Variants in RGL1 observed in about 807,000 individuals in gnomAD.
RGL1 encodes the protein ral guanine nucleotide dissociation stimulator-like 1.
In RGL1, 24 loss-of-function variants were observed where a neutral mutation model predicts 95.2. The ratio of observed to expected loss-of-function variants is 0.25; its 90% CI spans 0.18 to 0.35. RGL1 has a LOEUF of 0.35. RGL1 is among the 10% of genes least tolerant of loss of function. The pLI, the probability that RGL1 is intolerant of heterozygous loss-of-function variation, is 1.00. For missense variants in RGL1, 715 were observed against 936.3 expected, an observed-to-expected ratio of 0.76 and a Z score of 3.08; for synonymous variants, 329 against 344.9, an observed-to-expected ratio of 0.95 and a Z score of 0.51.
chr1:183,718,466 AGTG>A (rs1410981365), intron 1 of RGL1, among the ~76,000 whole-genome samples: 1 of 152,228 alleles, frequency 6.6e-6, no homozygotes, highest in Non-Finnish European at 1.5e-5. Flanking sequence ...AAAATGAACA[AGTG>A]GTAAATAGTT....
chr1:183,658,068 G>A (rs1040186018), intron 1 of RGL1, among the ~76,000 whole-genome samples: 1 of 152,192 alleles, frequency 6.6e-6, no homozygotes, highest in African/African-American at 2.4e-5. Flanking sequence ...GGAATTTTTC[G>A]GGGGTGGAGC....
intron 6 of RGL1, 61 bp downstream of exon 6, chr1:183,883,971 T>A (rs936425541): frequency 2.4e-5 from 38 of 1,559,568 alleles, no homozygotes; most frequent in Non-Finnish European, 3.3e-5. Flanking sequence ...GTGATGGCAC[T>A]GGTGCCCCGG....
chr1:183,805,106 G>A, upstream of RGL1: 1 of 573,842 alleles, frequency 1.7e-6, no homozygotes, highest in Non-Finnish European at 2.6e-6. Context: ...TCGCTCGCTC[G>A]CCGCGCTCCC....
intron 13 of RGL1, 107 bp downstream of exon 13, chr1:183,905,078 C>G (rs1668241944): frequency 1.4e-6 from 2 of 1,381,918 alleles, no homozygotes; most frequent in East Asian, 4.9e-5. Flanking sequence ...TAGTGAGCAG[C>G]TGCTAGGTTC....
intron 1 of RGL1, among the ~76,000 whole-genome samples, chr1:183,704,223 A>G (rs1371502969): frequency 6.6e-6 from 1 of 152,074 alleles, no homozygotes; most frequent in East Asian, 1.9e-4. Flanking sequence ...TTTCTGTGGG[A>G]GCCTGGCAGC....
At position 183,880,375 on chromosome 1, in the gene RGL1, AAAC is replaced by A. The variant is rs146645540; in HGVS notation, c.426-229_426-227del. 4.5e-3 allele frequency among the ~76,000 whole-genome samples: 228 copies of A among 50,478 alleles called. 1 individual carries two copies. The highest frequency in any genetic ancestry group is 0.015 in the African/African-American group (210 of 14,028). The allele number at this position is 50,478 out of a possible 152,430, so 33.1% of individuals were successfully genotyped here. On this transcript the variant is annotated intron_variant, in intron 4 of 17. Coordinates refer to ENST00000360851, the MANE Select transcript of RGL1 (RefSeq NM_001297671.3). ...AAAGTTTAGCCTCCTTAAAACAAAC[AAAC>A]AACAACAACAAAAAACCTTATCAGT...
chr1:183,827,361 GA>G (rs1662938674), intron 2 of RGL1, among the ~76,000 whole-genome samples: 1 of 152,130 alleles, frequency 6.6e-6, no homozygotes, highest in Admixed American at 6.5e-5. Context: ...CAAAGGTGTG[GA>G]ATTAACCCAA....
At chr1:183,802,320 T>C (rs1661036469), upstream of RGL1, among the ~76,000 whole-genome samples, 1 of 152,218 alleles carries the variant, frequency 6.6e-6, no homozygotes, top group Non-Finnish European at 1.5e-5. Flanking sequence ...GCCGGTACCA[T>C]AAAGTTTTGA....
At chr1:183,833,633 A>G (rs1663416390) in intron 2 of RGL1, among the ~76,000 whole-genome samples, 1 of 152,166 alleles carries the variant, frequency 6.6e-6, no homozygotes, top group African/African-American at 2.4e-5. Flanking sequence ...GTATTCAGAA[A>G]CTCAGGCTAC....
chr1:183,910,350 G>A (rs572668070), intron 14 of RGL1, among the ~76,000 whole-genome samples: 3 of 152,098 alleles, frequency 2.0e-5, no homozygotes, highest in South Asian at 2.1e-4. Context: ...AGCCTGCCTC[G>A]GCCTCCCAAA....
rs189054473 is a variant in RGL1, at chr1:183,893,540, A to G, written c.1140+1379A>G. 5.4e-4 allele frequency among the ~76,000 whole-genome samples: 83 copies of G among 152,318 alleles called. 1 individual carries two copies. Among genetic ancestry groups the G allele is most frequent in the Admixed American group, 2.9e-3 (45 of 15,302 alleles). ...GAAGATACTTGGAGTAGGAGTGAAA[A>G]TCAGGTAGAGGTGGGGTTAGTAAGA... On this transcript the variant is annotated intron_variant, in intron 9 of 17. Transcript: ENST00000360851.
At chr1:183,729,949 C>T (rs1164686387) in intron 1 of RGL1, among the ~76,000 whole-genome samples, 3 of 152,048 alleles carry the variant, frequency 2.0e-5, no homozygotes, top group African/African-American at 7.2e-5. Context: ...TTCATGGTTG[C>T]CCGGGGCCAG....
intron 2 of RGL1, among the ~76,000 whole-genome samples, chr1:183,781,818 A>G (rs1659919889): frequency 6.6e-6 from 1 of 152,222 alleles, no homozygotes; most frequent in South Asian, 2.1e-4. Context: ...TTTTCATTTA[A>G]CAGTCTCTAT....
At chr1:183,645,512 C>T (rs1188998578) in intron 1 of RGL1, among the ~76,000 whole-genome samples, 7 of 152,132 alleles carry the variant, frequency 4.6e-5, no homozygotes, top group African/African-American at 1.7e-4. Flanking sequence ...TCCATTAGTT[C>T]TATATGTGTG....
At chr1:183,822,128 G>GGGTTA (rs1662531055) in intron 2 of RGL1, among the ~76,000 whole-genome samples, 3 of 151,980 alleles carry the variant, frequency 2.0e-5, no homozygotes, top group Admixed American at 6.6e-5. Context: ...GAAGTTTATG[G>GGGTTA]GGTTACATGG....
chr1:183,859,805 C>G (rs1665392749), intron 3 of RGL1, among the ~76,000 whole-genome samples: 1 of 152,188 alleles, frequency 6.6e-6, no homozygotes, highest in East Asian at 1.9e-4. Flanking sequence ...CTTTGTCTTT[C>G]CCCTTGAATA....
chr1:183,670,945 T>C (rs1205335620), intron 1 of RGL1, among the ~76,000 whole-genome samples: 1 of 152,202 alleles, frequency 6.6e-6, no homozygotes. Context: ...CCAAGACTGG[T>C]AATTTATAAA....
chr1:183,921,696 A>C (rs996033302), intron 16 of RGL1, among the ~76,000 whole-genome samples: 1 of 152,216 alleles, frequency 6.6e-6, no homozygotes, highest in African/African-American at 2.4e-5. Flanking sequence ...TTTGTGTACA[A>C]GTCCTTTTGT....
chr1:183,756,217 A>G (rs1658328790), intron 2 of RGL1, among the ~76,000 whole-genome samples: 3 of 142,950 alleles, frequency 2.1e-5, no homozygotes, highest in African/African-American at 5.2e-5. Flanking sequence ...TTTGAGATGG[A>G]GTCTTGCTCT....
Sources: gnomAD v4.1 joint callset for allele counts (sites outside exome capture counted in the v4.1 genomes callset) on GRCh38, gnomAD v4.1.1 for gene constraint, MANE v1.5 for transcripts, NCBI Gene and HGNC (gene_info 2026-07-23, HGNC 2026-07-21) for gene names.